GRHL2: variants seen among roughly 807,000 people sequenced by gnomAD.
The protein encoded by GRHL2 is grainyhead like transcription factor 2.
In GRHL2, 21 loss-of-function variants were observed where a neutral mutation model predicts 83.8. That is an observed-to-expected ratio of 0.25 (90% CI 0.18 to 0.36). GRHL2 has a LOEUF of 0.36. Among genes scored for constraint, GRHL2 ranks in the 10% least tolerant of loss-of-function variants. The probability of loss-of-function intolerance (pLI) is 1.00; values close to 1 mark genes in which losing one functional copy is unlikely to be tolerated. For synonymous variants in GRHL2, 280 were observed against 278.9 expected (o/e 1.00, Z -0.04); for missense variants, 623 against 781.8 (o/e 0.80, Z 2.42).
At chr8:101,536,244 A>G (rs988911787) in intron 1 of GRHL2, among the ~76,000 whole-genome samples, 3 of 152,228 alleles carry the variant, frequency 2.0e-5, no homozygotes, top group African/African-American at 7.2e-5. Context: ...TTGATGTTAT[A>G]GGCAGTAAAG....
chr8:101,558,327 A>G, intron 3 of GRHL2, 92 bp from the exon 4 acceptor site: 4 of 1,447,666 alleles, frequency 2.8e-6, no homozygotes, highest in African/African-American at 1.4e-5. Flanking sequence ...ATTAACATCC[A>G]ATGATTATTG....
At chr8:101,494,971 T>A (rs1442761384) in intron 1 of GRHL2, among the ~76,000 whole-genome samples, 1 of 152,218 alleles carries the variant, frequency 6.6e-6, no homozygotes, top group African/African-American at 2.4e-5. Flanking sequence ...CTGGTTTGTT[T>A]CTCTCTCATT....
At chr8:101,663,642 T>TTAATAAA (rs1813975906) in intron 14 of GRHL2, among the ~76,000 whole-genome samples, 7 of 151,096 alleles carry the variant, frequency 4.6e-5, no homozygotes, top group Middle Eastern at 3.4e-3. Flanking sequence ...AATAAATAAA[T>TTAATAAA]AAAAATAAAA....
chr8:101,535,320 T>C (rs769858056), intron 1 of GRHL2, among the ~76,000 whole-genome samples: 1 of 152,142 alleles, frequency 6.6e-6, no homozygotes, highest in Non-Finnish European at 1.5e-5. Context: ...CACTTGGGGA[T>C]GAAGTAGAGT....
intron 1 of GRHL2, chr8:101,529,388 G>A: frequency 6.3e-6 from 1 of 159,350 alleles, no homozygotes; most frequent in Non-Finnish European, 1.3e-5. Flanking sequence ...AGCCAAGATT[G>A]AACCACTGCA....
At chr8:101,664,410 G>A in intron 14 of GRHL2, 44 bp from the exon 15 acceptor site, 1 of 1,453,478 alleles carries the variant, frequency 6.9e-7, no homozygotes, top group East Asian at 2.3e-5. Flanking sequence ...CTCCAGTTGG[G>A]CGTCCTTCTG....
At chr8:101,585,562 G>C (rs1313417889) in intron 7 of GRHL2, among the ~76,000 whole-genome samples, 1 of 152,148 alleles carries the variant, frequency 6.6e-6, no homozygotes, top group Non-Finnish European at 1.5e-5. Context: ...CTCACTTGCA[G>C]CTCCAGATCC....
At chr8:101,573,923 T>A in intron 6 of GRHL2, 99 bp downstream of exon 6, 1 of 1,317,384 alleles carries the variant, frequency 7.6e-7, no homozygotes, top group Non-Finnish European at 1.1e-6. Context: ...AATAAAACCT[T>A]CAACATAAAT....
chr8:101,644,629 C>T (rs1346109664), intron 13 of GRHL2, among the ~76,000 whole-genome samples: 1 of 152,222 alleles, frequency 6.6e-6, no homozygotes, highest in Non-Finnish European at 1.5e-5. Context: ...GGCATCACCA[C>T]TTACTCATTT....
At chr8:101,589,004 G>A (rs1456745742) in intron 7 of GRHL2, among the ~76,000 whole-genome samples, 2 of 152,164 alleles carry the variant, frequency 1.3e-5, no homozygotes, top group African/African-American at 4.8e-5. Flanking sequence ...AAGGGGCCCT[G>A]TTTGTCGGGG....
At chr8:101,565,531 C>G (rs1366913885) in intron 4 of GRHL2, among the ~76,000 whole-genome samples, 1 of 152,158 alleles carries the variant, frequency 6.6e-6, no homozygotes, top group East Asian at 1.9e-4. Context: ...AGGGTCCCTG[C>G]ATCTTGTGAC....
Position 101,599,148 on chromosome 8 carries a change from G to T in GRHL2, c.1095G>T (p.Ala365=). Reference sequence around the variant, plus strand: ...TTACCTGGGACGTGAATGAAGAGGCGAAGGTGAGTGACATTGATTCATTGT... The same window carrying T: ...TTACCTGGGACGTGAATGAAGAGGCTAAGGTGAGTGACATTGATTCATTGT... ...VSFTWDVNEE[A]KIFITVNCLS... is the part of the protein sequence containing the mutation. The change falls in exon 8 of 16, where the codon GCG becomes GCT. Residue 365 remains alanine (A), a synonymous_variant. Transcript: ENST00000646743. 2 of 1,589,784 alleles carry T rather than the reference G, an allele frequency of 1.3e-6. No homozygotes were observed. The highest frequency in any genetic ancestry group is 1.7e-6 in the Non-Finnish European group (2 of 1,157,846).
intron 4 of GRHL2, among the ~76,000 whole-genome samples, chr8:101,568,338 T>C (rs1811756907): frequency 6.6e-6 from 1 of 152,238 alleles, no homozygotes; most frequent in African/African-American, 2.4e-5. Context: ...TTTGTACTCA[T>C]CGTTTTTGTC....
At chr8:101,550,541 G>C (rs939472432) in intron 2 of GRHL2, among the ~76,000 whole-genome samples, 1 of 152,088 alleles carries the variant, frequency 6.6e-6, no homozygotes, top group South Asian at 2.1e-4. Context: ...CTATTTTTAC[G>C]TCTGTGGGGT....
chr8:101,668,296 C>T lies in GRHL2; in HGVS notation c.*1593C>T, dbSNP rs907394929. 3 of 152,642 alleles carry T rather than the reference C, an allele frequency of 2.0e-5. No homozygotes were observed. Among genetic ancestry groups the T allele is most frequent in the African/African-American group, 7.2e-5 (3 of 41,418 alleles). The allele number at this position is 152,642 out of a possible 1,614,324, so 9.5% of individuals were successfully genotyped here. A position where few individuals can be genotyped will look rare whatever the true frequency, so the allele number is the denominator to read the frequency against. ...CACCCAAAGGTTCTCTACAAAGGCCCAGATTTGTTTGTAAAGCACTTTGAC... is the reference window on the plus strand; with the variant it reads ...CACCCAAAGGTTCTCTACAAAGGCCTAGATTTGTTTGTAAAGCACTTTGAC... On this transcript the variant is annotated 3_prime_UTR_variant, in exon 16 of 16. Coordinates refer to ENST00000646743, the MANE Select transcript of GRHL2 (RefSeq NM_024915.4).
At chr8:101,570,194 C>T in intron 4 of GRHL2, 145 bp from the exon 5 acceptor site, 2 of 712,524 alleles carry the variant, frequency 2.8e-6, no homozygotes, top group Non-Finnish European at 5.0e-6. Flanking sequence ...TCTATGACTA[C>T]TTTTGCTGTA....
intron 1 of GRHL2, among the ~76,000 whole-genome samples, chr8:101,532,185 T>C (rs1287284482): frequency 6.6e-6 from 1 of 152,264 alleles, no homozygotes. Flanking sequence ...TTGTGGCATT[T>C]AAATTGTGAC....
rs571899848 is a variant in GRHL2, at chr8:101,495,504, A to G, written c.20+2715A>G. ...AATTCTCTACTCCATCTTAAATTTTATGAAGATTTAAGATCTTTGTCAGCA... is the reference window on the plus strand; with the variant it reads ...AATTCTCTACTCCATCTTAAATTTTGTGAAGATTTAAGATCTTTGTCAGCA... On this transcript the variant is annotated intron_variant, in intron 1 of 15. Coordinates refer to ENST00000646743, the MANE Select transcript of GRHL2 (RefSeq NM_024915.4). Among the ~76,000 whole-genome samples the G allele has an allele frequency of 6.6e-5, 10 of 152,344 alleles. No individual in the cohort carries two copies. In the South Asian group the frequency reaches 8.3e-4, roughly 13 times the overall value.
At chr8:101,557,479 C>G (rs1811512748) in intron 3 of GRHL2, among the ~76,000 whole-genome samples, 2 of 152,072 alleles carry the variant, frequency 1.3e-5, no homozygotes, top group Non-Finnish European at 2.9e-5. Context: ...CTGCCTTGGG[C>G]TCCCAAAGTT....
Sources: gnomAD v4.1 joint callset for allele counts (sites outside exome capture counted in the v4.1 genomes callset) on GRCh38, gnomAD v4.1.1 for gene constraint, MANE v1.5 for transcripts, NCBI Gene and HGNC (gene_info 2026-07-23, HGNC 2026-07-21) for gene names.